The following CRB2 variants were observed in gnomAD, a reference collection of about 807,000 sequenced individuals.
CRB2 encodes the protein protein crumbs homolog 2.
Under a neutral mutation model 110.9 loss-of-function variants are expected in CRB2, and 85 were observed. That is an observed-to-expected ratio of 0.77 (90% confidence interval 0.64 to 0.92). The LOEUF is 0.92. Ranked by LOEUF, CRB2 falls within the 40% of genes least tolerant of loss-of-function variation. The probability of loss-of-function intolerance (pLI) is 0.00; values close to 1 mark genes in which losing one functional copy is unlikely to be tolerated. For synonymous variants in CRB2, 907 were observed against 831.0 expected (o/e 1.09, Z -1.57); for missense variants, 1,843 against 1,851.3 (o/e 1.00, Z 0.08).
At chr9:123,375,811 A>C (rs1035111410) in intron 12 of CRB2, among the ~76,000 whole-genome samples, 1 of 151,870 alleles carries the variant, frequency 6.6e-6, no homozygotes, top group Non-Finnish European at 1.5e-5. Flanking sequence ...GGCTGGCCCC[A>C]ACCCCGGGTG....
rs781611505 is a variant in CRB2 at position 123,377,402 on chromosome 9, G to A, written c.*340G>A. The stretch of plus-strand genomic sequence containing the variant: ...TGAGTGTGTACCTGGGCCTGTGTTA[G>A]TCTGCAGATGCTAGTGTGAGTGTGT... On this transcript the variant is annotated 3_prime_UTR_variant, in exon 13 of 13. Transcript: ENST00000373631. 4 of 246,560 alleles carry A rather than the reference G, an allele frequency of 1.6e-5. No homozygotes were observed. Among genetic ancestry groups the A allele is most frequent in the Middle Eastern group, 2.4e-3 (2 of 832 alleles). The allele number at this position is 246,560 out of a possible 1,614,324, so 15.3% of individuals were successfully genotyped here. A position where few individuals can be genotyped will look rare whatever the true frequency, so the allele number is the denominator to read the frequency against.
chr9:123,362,873 C>G lies in CRB2; in HGVS notation c.103C>G (p.Pro35Ala), dbSNP rs763874725. The G allele has an allele frequency of 1.9e-6, 3 of 1,578,826 alleles. No individual in the cohort carries two copies. In the Admixed American group the frequency reaches 5.1e-5, roughly 27 times the overall value. ...PALSLLAGTVPSEPPSACASD... is the reference protein window; with the variant it reads ...PALSLLAGTVASEPPSACASD... Reference sequence around the variant, plus strand: ...GTTTCTTCTTTCTACAGGGACGGTGCCTTCAGAGCCCCCCAGTGCCTGTGC... The same window carrying G: ...GTTTCTTCTTTCTACAGGGACGGTGGCTTCAGAGCCCCCCAGTGCCTGTGC... The change falls in exon 2 of 13, where the codon CCT (proline) becomes GCT (alanine). Residue 35 changes from proline (P) to alanine (A), a missense_variant. Physicochemically the swap from Pro to Ala is conservative, Grantham distance 27 (BLOSUM62 -1). Coordinates refer to ENST00000373631, the MANE Select transcript of CRB2 (RefSeq NM_173689.7).
chr9:123,368,527 C>G (rs1048038216), intron 6 of CRB2, among the ~76,000 whole-genome samples: 1 of 152,242 alleles, frequency 6.6e-6, no homozygotes, highest in East Asian at 1.9e-4. Flanking sequence ...TTTTTCCTTG[C>G]CACAGCCCCA....
intron 12 of CRB2, 36 bp from the exon 13 acceptor site, chr9:123,376,802 C>G (rs747685369): frequency 1.3e-6 from 2 of 1,567,996 alleles, no homozygotes; most frequent in East Asian, 4.6e-5. Context: ...CTCCCCTTCT[C>G]TGCGGTCTTA....
chr9:123,371,341 CG>C lies in CRB2; in HGVS notation c.2202del (p.Pro735LeufsTer406). The C allele has an allele frequency of 1.9e-6, 3 of 1,605,450 alleles. No homozygotes were observed. The highest frequency in any genetic ancestry group is 2.6e-6 in the Non-Finnish European group (3 of 1,175,238). Reference sequence around the variant, plus strand: ...TCCGTCACCTGGTGATGCTCAGCTTCGGGCCTGACCAGCTGCAGGACCTGGG... The same window carrying C: ...TCCGTCACCTGGTGATGCTCAGCTTCGGCCTGACCAGCTGCAGGACCTGGG... ...GLRHLVMLSF[G>X]PDQLQDLGQH... is the part of the protein sequence containing the mutation. On this transcript the variant is annotated frameshift_variant, in exon 8 of 13. Coordinates refer to ENST00000373631, the MANE Select transcript of CRB2 (RefSeq NM_173689.7). LOFTEE classifies it high-confidence loss of function.
At position 123,356,350 on chromosome 9, in the gene CRB2, G is replaced by A. The variant is rs935812233; in HGVS notation, c.90G>A (p.Leu30=). ...TCTGGGCCCCTGCCCTTTCCCTCCT[G>A]GCTGGTGAGTTGGGGCCCATGTCTG... ...LLLWAPALSL[L]AGTVPSEPPS... is the part of the protein sequence containing the mutation. Residue 30 remains leucine (L), a synonymous_variant, in exon 1 of 13, where the codon CTG becomes CTA. Transcript: ENST00000373631. 1.7e-4 allele frequency: 260 copies of A among 1,546,474 alleles called. 2 individuals are homozygous for A. Among genetic ancestry groups the A allele is most frequent in the Non-Finnish European group, 2.1e-4 (245 of 1,145,588 alleles).
At chr9:123,359,430 G>GTTTGTTTTTTTTTTT (rs2041835449) in intron 1 of CRB2, among the ~76,000 whole-genome samples, 12 of 98,002 alleles carry the variant, frequency 1.2e-4, no homozygotes, top group Admixed American at 2.9e-4. Context: ...GTGGTTTTTC[G>GTTTGTTTTTTTTTTT]TTTTTGTTTT....
intron 10 of CRB2, 68 bp from the exon 11 acceptor site, chr9:123,374,511 G>C (rs1348188724): frequency 8.6e-7 from 1 of 1,157,010 alleles, no homozygotes; most frequent in African/African-American, 1.5e-5. Context: ...GGTGGCCCAC[G>C]GTCACAGCGC....
rs770161572 is a variant in CRB2, at chr9:123,375,177, C to CA, written c.3507-39dup. Reference sequence around the variant, plus strand: ...AGCAGCTGGGAGCACAAGAGGCAGCCATGGGGGAAGCCGCTTTCTCAGCCC... The same window carrying CA: ...AGCAGCTGGGAGCACAAGAGGCAGCCAATGGGGGAAGCCGCTTTCTCAGCCC... On this transcript the variant is annotated intron_variant, in intron 11 of 12. Transcript: ENST00000373631. 3 of 1,610,184 alleles carry CA rather than the reference C, an allele frequency of 1.9e-6. No individual in the cohort carries two copies. The African/African-American group carries it at 4.0e-5, about 22-fold the overall frequency.
At position 123,373,791 on chromosome 9, in the gene CRB2, A is replaced by G. The variant is rs1278691730; in HGVS notation, c.3260A>G (p.Glu1087Gly). The change falls in exon 10 of 13, where the codon GAA becomes GGA. Residue 1087 changes from glutamate to glycine, a missense_variant. By Grantham distance (98) the Glu-to-Gly change is moderately conservative. Coordinates refer to ENST00000373631, the MANE Select transcript of CRB2 (RefSeq NM_173689.7). The part of the protein sequence containing the change: ...AFACACGPGW[E>G]GPRCEAHVDP... The stretch of plus-strand genomic sequence containing the variant: ...GCCTGCGCCTGCGGCCCGGGGTGGG[A>G]AGGCCCGCGCTGCGAAGCCCACGTC... 1.3e-6 allele frequency: 2 copies of G among 1,590,576 alleles called. No homozygotes were observed. Among genetic ancestry groups the G allele is most frequent in the East Asian group, 4.5e-5 (2 of 44,052 alleles).
Position 123,375,199 on chromosome 9 carries a change from G to GC in CRB2, c.3507-12dup, listed in dbSNP as rs993032648. 2.5e-6 allele frequency: 4 copies of GC among 1,611,302 alleles called. No homozygotes were observed. Among genetic ancestry groups the GC allele is most frequent in the East Asian group, 2.2e-5 (1 of 44,752 alleles). The stretch of plus-strand genomic sequence containing the variant: ...AGCCATGGGGGAAGCCGCTTTCTCA[G>GC]CCCCCCTCCCTCTCCAGGTGTCAGG... On this transcript the variant is annotated splice_polypyrimidine_tract_variant and intron_variant, in intron 11 of 12. Transcript: ENST00000373631.
At chr9:123,366,532 A>G (rs1047736436) in intron 4 of CRB2, among the ~76,000 whole-genome samples, 166 bp downstream of exon 4, 3 of 152,202 alleles carry the variant, frequency 2.0e-5, no homozygotes, top group Non-Finnish European at 4.4e-5. Flanking sequence ...TTCCTGATCT[A>G]CAAAATAGGG....
At chr9:123,354,367 G>C (rs1237358129), upstream of CRB2, among the ~76,000 whole-genome samples, 1 of 152,254 alleles carries the variant, frequency 6.6e-6, no homozygotes. Context: ...GAACCAGAGG[G>C]TGGTGGTTGA....
intron 1 of CRB2, among the ~76,000 whole-genome samples, chr9:123,359,282 G>A (rs951437861): frequency 6.6e-6 from 1 of 151,956 alleles, no homozygotes; most frequent in Non-Finnish European, 1.5e-5. Flanking sequence ...GGGGCCCAGG[G>A]ATATTAGATG....
chr9:123,370,961 A>T lies in CRB2; in HGVS notation c.1908A>T (p.Arg636Ser). The change falls in exon 7 of 13, where the codon AGA becomes AGT. Residue 636 changes from arginine to serine, a missense_variant. By Grantham distance (110) the Arg-to-Ser change is moderately radical. Transcript: ENST00000373631. ...HFRCDCARPH[R>S]GPTCADEIPA... ...GTTGCGACTGTGCCCGGCCCCATAG[A>T]GGTCCCACGTGCGCTGATGGTGAGG... The T allele has an allele frequency of 1.2e-6, 2 of 1,606,556 alleles. No homozygotes were observed. Among genetic ancestry groups the T allele is most frequent in the South Asian group, 1.1e-5 (1 of 90,398 alleles).
Position 123,366,217 on chromosome 9 carries a change from C to A in CRB2, c.615-10C>A. On this transcript the variant is annotated splice_polypyrimidine_tract_variant and intron_variant, in intron 3 of 12. Coordinates refer to ENST00000373631, the MANE Select transcript of CRB2 (RefSeq NM_173689.7). ...GCGCGCGCTCAGCTCCGCCGGTGCG[C>A]CCTCCCCAGGTTCCGGTGCGACTGC... 1.4e-6 allele frequency: 2 copies of A among 1,432,744 alleles called. No individual in the cohort carries two copies. The highest frequency in any genetic ancestry group is 3.1e-5 in the Admixed American group (1 of 31,800). 88.8% of individuals were successfully genotyped at this position (1,432,744 alleles called of 1,614,324 possible). A position where few individuals can be genotyped will look rare whatever the true frequency, so the allele number is the denominator to read the frequency against.
At position 123,378,740 on chromosome 9, in the gene CRB2, G is replaced by A. The variant is rs2042145990; in HGVS notation, c.*1678G>A. On this transcript the variant is annotated 3_prime_UTR_variant, in exon 13 of 13. Coordinates refer to ENST00000373631, the MANE Select transcript of CRB2 (RefSeq NM_173689.7). ...GGATATTTTATGTGGAACCTAACATGCAGATGAAAGCTGGCTGTCCCCTGT... is the reference window on the plus strand; with the variant it reads ...GGATATTTTATGTGGAACCTAACATACAGATGAAAGCTGGCTGTCCCCTGT... 1 of 150,220 alleles carries A rather than the reference G, an allele frequency of 6.7e-6. No individual in the cohort carries two copies. The highest frequency in any genetic ancestry group is 1.5e-5 in the Non-Finnish European group (1 of 67,700). 9.3% of individuals were successfully genotyped at this position (150,220 alleles called of 1,614,324 possible).
chr9:123,357,416 T>A (rs1422269219), intron 1 of CRB2, among the ~76,000 whole-genome samples: 1 of 151,990 alleles, frequency 6.6e-6, no homozygotes, highest in Non-Finnish European at 1.5e-5. Context: ...CTGTAGGGTG[T>A]GGGGGCCAAG....
intron 2 of CRB2, 145 bp from the exon 3 acceptor site, chr9:123,365,772 C>T: frequency 1.4e-6 from 1 of 720,246 alleles, no homozygotes; most frequent in Non-Finnish European, 2.1e-6. Flanking sequence ...ATGACCCGTC[C>T]CCCACCCCCC....
Sources: gnomAD v4.1 joint callset for allele counts (sites outside exome capture counted in the v4.1 genomes callset) on GRCh38, gnomAD v4.1.1 for gene constraint, MANE v1.5 for transcripts, NCBI Gene and HGNC (gene_info 2026-07-23, HGNC 2026-07-21) for gene names.